The following AKT3 variants were observed in gnomAD, a reference collection of about 807,000 sequenced individuals.
AKT3 encodes the protein AKT serine/threonine kinase 3.
Under a neutral mutation model 65.3 loss-of-function variants are expected in AKT3, and 15 were observed. That is an observed-to-expected ratio of 0.23 (90% CI 0.15 to 0.35). The LOEUF (loss-of-function observed/expected upper bound fraction) is 0.35, where lower values mean the gene tolerates loss of function less well. Ranked by LOEUF, AKT3 falls within the 10% of genes least tolerant of loss-of-function variation. The pLI, the probability that AKT3 is intolerant of heterozygous loss-of-function variation, is 1.00. For missense variants in AKT3, 243 were observed against 576.5 expected (o/e 0.42, Z 5.92); for synonymous variants, 206 against 183.8 (o/e 1.12, Z -0.98).
In AKT3 at chr1:243,792,006, T is replaced by G. The variant is rs866277986; in HGVS notation, c.46+51119A>C. 2.6e-5 allele frequency among the ~76,000 whole-genome samples: 4 copies of G among 152,306 alleles called. No individual in the cohort carries two copies. In the South Asian group the frequency reaches 6.2e-4, roughly 24 times the overall value. ...TAAATCTTCTATTTTGTCAAAATGT[T>G]TATTCTCAACTGAAGAAGATTTAAG... is the stretch of plus-strand genomic sequence containing the variant. On this transcript the variant is annotated intron_variant, in intron 2 of 13. Transcript: ENST00000673466.
At chr1:243,743,716 A>G (rs2148185171) in intron 2 of AKT3, among the ~76,000 whole-genome samples, 1 of 152,324 alleles carries the variant, frequency 6.6e-6, no homozygotes, top group East Asian at 1.9e-4. Context: ...GGGGAATACA[A>G]ATTAAAACCA....
Position 243,504,021 on chromosome 1 carries a change from C to T in AKT3, c.*1228G>A, listed in dbSNP as rs1669512624. On this transcript the variant is annotated 3_prime_UTR_variant, in exon 14 of 14. Coordinates refer to ENST00000673466, the MANE Select transcript of AKT3 (RefSeq NM_005465.7). The stretch of plus-strand genomic sequence containing the variant: ...TTTTCAGTACCAAGGGGTTAAATGG[C>T]AGCATCTCTTCTCCCAAAGCCAAAT... 1.8e-5 allele frequency: 4 copies of T among 225,204 alleles called. No individual in the cohort carries two copies. Among genetic ancestry groups the T allele is most frequent in the Non-Finnish European group, 3.5e-5 (4 of 112,708 alleles). 14.0% of individuals were successfully genotyped at this position (225,204 alleles called of 1,614,324 possible).
At chr1:243,717,048 C>G (rs1327037738) in intron 2 of AKT3, among the ~76,000 whole-genome samples, 1 of 152,178 alleles carries the variant, frequency 6.6e-6, no homozygotes, top group Admixed American at 6.5e-5. Context: ...CCTCCCAGGC[C>G]TGGATGGATC....
At chr1:243,725,956 A>C (rs1687182566) in intron 2 of AKT3, among the ~76,000 whole-genome samples, 1 of 152,204 alleles carries the variant, frequency 6.6e-6, no homozygotes, top group South Asian at 2.1e-4. Context: ...CACTTCGTAG[A>C]AGACTAGGAA....
chr1:243,513,022 A>C (rs1315848679), intron 12 of AKT3, among the ~76,000 whole-genome samples: 1 of 152,188 alleles, frequency 6.6e-6, no homozygotes, highest in East Asian at 1.9e-4. Flanking sequence ...CTTTCATCAG[A>C]TCCTCAAAGG....
chr1:243,506,941 T>C (rs1483500515), intron 13 of AKT3, among the ~76,000 whole-genome samples: 1 of 152,260 alleles, frequency 6.6e-6, no homozygotes, highest in Non-Finnish European at 1.5e-5. Context: ...CTGGGAATGA[T>C]GGTGTACCCG....
chr1:243,490,027 G>C (rs1457540334), intron 13 of AKT3, among the ~76,000 whole-genome samples: 1 of 152,222 alleles, frequency 6.6e-6, no homozygotes, highest in Non-Finnish European at 1.5e-5. Context: ...AATTAGGATT[G>C]CACCCAGGTG....
chr1:243,751,641 A>G (rs1572277908), intron 2 of AKT3, among the ~76,000 whole-genome samples: 3 of 152,312 alleles, frequency 2.0e-5, no homozygotes, highest in African/African-American at 7.2e-5. Context: ...GAAGATACAC[A>G]GGGACTCAGA....
intron 5 of AKT3, among the ~76,000 whole-genome samples, chr1:243,641,816 G>A (rs1165185734): frequency 6.6e-6 from 1 of 151,992 alleles, no homozygotes; most frequent in African/African-American, 2.4e-5. Context: ...GGTGTCTGTA[G>A]TCCCAGCTAC....
intron 2 of AKT3, among the ~76,000 whole-genome samples, chr1:243,754,901 T>C (rs1161953690): frequency 6.6e-6 from 1 of 152,156 alleles, no homozygotes; most frequent in Non-Finnish European, 1.5e-5. Context: ...CAGCCTGCTA[T>C]GACGAGGAAG....
At chr1:243,820,578 C>A (rs984595376) in intron 2 of AKT3, among the ~76,000 whole-genome samples, 1 of 152,100 alleles carries the variant, frequency 6.6e-6, no homozygotes, top group Admixed American at 6.5e-5. Flanking sequence ...GAGCTGTTAA[C>A]CAGAATAACC....
chr1:243,768,762 G>A (rs891720585), intron 2 of AKT3, among the ~76,000 whole-genome samples: 1 of 150,768 alleles, frequency 6.6e-6, no homozygotes, highest in African/African-American at 2.4e-5. Context: ...TTGAACCGAG[G>A]AGGCAGAGGT....
At chr1:243,794,046 T>C (rs1691794322) in intron 2 of AKT3, among the ~76,000 whole-genome samples, 1 of 152,216 alleles carries the variant, frequency 6.6e-6, no homozygotes, top group African/African-American at 2.4e-5. Flanking sequence ...TTTCTTTTTT[T>C]GAGACAGGGT....
rs1169510207 is a variant in AKT3, at chr1:243,583,164, GTGTGTGTATA to G, written c.697-10126_697-10117del. Among the ~76,000 whole-genome samples, 749 of 74,938 alleles carry G rather than the reference GTGTGTGTATA, an allele frequency of 1.0e-2. 12 individuals are homozygous for G. The highest frequency in any genetic ancestry group is 0.03 in the African/African-American group (700 of 23,462). The allele number at this position is 74,938 out of a possible 152,430, so 49.2% of individuals were successfully genotyped here. ...ATATATCTCTCTCTTCCATGTATATGTGTGTGTATATATATATATATATATATATATACAC... is the reference window on the plus strand; with the variant it reads ...ATATATCTCTCTCTTCCATGTATATGTATATATATATATATATATATACAC... On this transcript the variant is annotated intron_variant, in intron 8 of 13. Coordinates refer to ENST00000673466, the MANE Select transcript of AKT3 (RefSeq NM_005465.7).
intron 12 of AKT3, among the ~76,000 whole-genome samples, chr1:243,522,006 C>A (rs971825536): frequency 2.0e-5 from 3 of 152,110 alleles, no homozygotes; most frequent in Non-Finnish European, 4.4e-5. Flanking sequence ...CTCAGTTATA[C>A]CTGGAGAGGA....
At chr1:243,489,422 G>A (rs555827085) in intron 13 of AKT3, among the ~76,000 whole-genome samples, 1 of 152,336 alleles carries the variant, frequency 6.6e-6, no homozygotes, top group African/African-American at 2.4e-5. Context: ...GGCTGCGGAG[G>A]GTGCGAGAGC....
chr1:243,670,425 G>A (rs576860663), intron 3 of AKT3, among the ~76,000 whole-genome samples: 1 of 152,124 alleles, frequency 6.6e-6, no homozygotes, highest in Non-Finnish European at 1.5e-5. Flanking sequence ...TTGCATGTTC[G>A]CAATAAGGAA....
chr1:243,793,162 C>G (rs1691737891), intron 2 of AKT3: 1 of 152,194 alleles, frequency 6.6e-6, no homozygotes, highest in African/African-American at 2.4e-5. Flanking sequence ...TACCAGCATA[C>G]AGCAGCAAAT....
chr1:243,495,454 C>T (rs1476413497), downstream of AKT3, among the ~76,000 whole-genome samples: 1 of 152,190 alleles, frequency 6.6e-6, no homozygotes, highest in Non-Finnish European at 1.5e-5. Flanking sequence ...GGTGTGGAGG[C>T]TGTTATCAGG....
Sources: allele counts gnomAD v4.1 joint callset (sites outside exome capture counted in the v4.1 genomes callset), GRCh38; gene constraint gnomAD v4.1.1; transcripts MANE v1.5; gene names NCBI Gene and HGNC (gene_info 2026-07-23, HGNC 2026-07-21).